DPH6: variants seen among roughly 807,000 people sequenced by gnomAD.
DPH6 encodes the protein diphthine--ammonia ligase.
Under a neutral mutation model 38.2 loss-of-function variants are expected in DPH6, and 33 were observed. That is an observed-to-expected ratio of 0.86 (90% CI 0.65 to 1.15). The LOEUF (loss-of-function observed/expected upper bound fraction) is 1.15, where lower values mean the gene tolerates loss of function less well. Among genes scored for constraint, DPH6 ranks in the 50% most tolerant of loss-of-function variants. The probability of loss-of-function intolerance (pLI) is 0.00; values close to 1 mark genes in which losing one functional copy is unlikely to be tolerated. For synonymous variants in DPH6, 108 were observed against 103.0 expected (o/e 1.05, Z -0.30); for missense variants, 325 against 320.0 (o/e 1.02, Z -0.12).
At chr15:35,263,459 G>A (rs1039218103) in intron 3 of DPH6, among the ~76,000 whole-genome samples, 2 of 140,908 alleles carry the variant, frequency 1.4e-5, no homozygotes, top group East Asian at 4.1e-4. Flanking sequence ...AGGCTAGAGT[G>A]CAGTGGCATG....
Position 35,231,214 on chromosome 15 carries a change from T to C in DPH6, n.201-10632A>G, listed in dbSNP as rs187661932. Among the ~76,000 whole-genome samples, 8 of 152,370 alleles carry C rather than the reference T, an allele frequency of 5.3e-5. No individual in the cohort carries two copies. In the East Asian group the frequency reaches 1.4e-3, roughly 26 times the overall value. ...GTGGGATCTGCAATTCCCCTCTAAATAGGGCTCGTTTAAATGCTCCCTCCT... is the reference window on the plus strand; with the variant it reads ...GTGGGATCTGCAATTCCCCTCTAAACAGGGCTCGTTTAAATGCTCCCTCCT... On this transcript the variant is annotated intron_variant and non_coding_transcript_variant, in intron 3 of 3. Coordinates refer to the DPH6 transcript ENST00000560386.
chr15:35,249,795 A>G (rs994370550), intron 3 of DPH6, among the ~76,000 whole-genome samples: 19 of 152,208 alleles, frequency 1.2e-4, no homozygotes, highest in African/African-American at 4.6e-4. Flanking sequence ...CTGGCAGAAC[A>G]TAAAGGTAAA....
intron 3 of DPH6, among the ~76,000 whole-genome samples, chr15:35,313,381 C>T (rs1035644707): frequency 6.6e-6 from 1 of 150,490 alleles, no homozygotes; most frequent in Non-Finnish European, 1.5e-5. Context: ...TGAAGAACAT[C>T]CTTGGTATTT....
At position 35,453,303 on chromosome 15, in the gene DPH6, A is replaced by T. The variant is rs540663349; in HGVS notation, c.386+1444T>A. ...TTCTTCCATATATATATACACATAT[A>T]TGTAATGGGCAGCCTCCTAATCAGG... On this transcript the variant is annotated intron_variant, in intron 4 of 8. Coordinates refer to ENST00000256538, the MANE Select transcript of DPH6 (RefSeq NM_080650.4). 9.9e-5 allele frequency among the ~76,000 whole-genome samples: 15 copies of T among 152,060 alleles called. No individual in the cohort carries two copies. In the South Asian group the frequency reaches 1.9e-3, roughly 19 times the overall value.
At chr15:35,539,370 G>A (rs936382702) in intron 2 of DPH6, among the ~76,000 whole-genome samples, 5 of 151,738 alleles carry the variant, frequency 3.3e-5, no homozygotes, top group Admixed American at 2.6e-4. Flanking sequence ...TATGTTCTGC[G>A]GAATACAAAT....
At chr15:35,270,439 A>G (rs1157921025) in intron 3 of DPH6, among the ~76,000 whole-genome samples, 2 of 152,204 alleles carry the variant, frequency 1.3e-5, no homozygotes, top group African/African-American at 4.8e-5. Context: ...TTTGGTTCTC[A>G]AATTTTGAAT....
At chr15:35,354,032 G>C (rs1344721152) in intron 3 of DPH6, among the ~76,000 whole-genome samples, 2 of 151,956 alleles carry the variant, frequency 1.3e-5, no homozygotes, top group South Asian at 2.1e-4. Flanking sequence ...ATTTTATTCT[G>C]TTTGAAGCAA....
At chr15:35,357,389 A>G (rs1377605446) in intron 3 of DPH6, among the ~76,000 whole-genome samples, 1 of 152,218 alleles carries the variant, frequency 6.6e-6, no homozygotes, top group African/African-American at 2.4e-5. Context: ...TGTGAGCTGT[A>G]GACTGGAGCT....
intron 5 of DPH6, among the ~76,000 whole-genome samples, chr15:35,420,327 A>C (rs1274212243): frequency 6.6e-6 from 1 of 152,096 alleles, no homozygotes; most frequent in East Asian, 1.9e-4. Flanking sequence ...TGTAGCAATA[A>C]ATGCCTACAT....
chr15:35,526,396 T>C (rs2055002766), intron 3 of DPH6, among the ~76,000 whole-genome samples: 1 of 152,200 alleles, frequency 6.6e-6, no homozygotes. Flanking sequence ...GGGATCAATA[T>C]TAGCATAATT....
intron 3 of DPH6, among the ~76,000 whole-genome samples, chr15:35,236,147 A>G (rs1426660342): frequency 1.3e-5 from 2 of 152,262 alleles, no homozygotes; most frequent in Non-Finnish European, 2.9e-5. Flanking sequence ...TCAGCATTAT[A>G]TACTCATGGA....
chr15:35,418,948 T>C (rs1391139898), intron 5 of DPH6, among the ~76,000 whole-genome samples: 1 of 152,044 alleles, frequency 6.6e-6, no homozygotes, highest in Non-Finnish European at 1.5e-5. Context: ...CAGTAGGTGA[T>C]ATTAGAAAAG....
chr15:35,520,244 AAG>A, intron 3 of DPH6: 8 of 865,894 alleles, frequency 9.2e-6, no homozygotes, highest in Non-Finnish European at 9.7e-6. Context: ...AAAAAAACAA[AAG>A]AAGAAGAATC....
the DPH6 span, among the ~76,000 whole-genome samples, chr15:35,176,082 T>A: frequency 6.6e-6 from 1 of 152,122 alleles, no homozygotes; most frequent in African/African-American, 2.4e-5. Context: ...TAAGATGGAG[T>A]TTATTTCCAG....
At chr15:35,350,612 A>G (rs1215390838) in intron 3 of DPH6, among the ~76,000 whole-genome samples, 1 of 152,124 alleles carries the variant, frequency 6.6e-6, no homozygotes, top group African/African-American at 2.4e-5. Context: ...GCTGCATCCA[A>G]TAAGTTTGGC....
At chr15:35,535,582 C>T (rs1036947) in intron 3 of DPH6, among the ~76,000 whole-genome samples, 134,182 of 152,162 alleles carry the variant, frequency 0.88, 59,277 homozygotes, top group East Asian at 1. Flanking sequence ...ACACTGCTCA[C>T]GTGACTTAAA....
At chr15:35,300,282 G>T (rs1321541294) in intron 3 of DPH6, among the ~76,000 whole-genome samples, 1 of 152,178 alleles carries the variant, frequency 6.6e-6, no homozygotes, top group Non-Finnish European at 1.5e-5. Context: ...TAAATGTAAC[G>T]GAAGCTATTG....
chr15:35,261,141 C>T (rs2051743692), intron 3 of DPH6, among the ~76,000 whole-genome samples: 2 of 152,188 alleles, frequency 1.3e-5, no homozygotes, highest in African/African-American at 2.4e-5. Context: ...TAACTTCGTT[C>T]TTTAATGAGA....
At chr15:35,470,149 G>C (rs369300499) in intron 3 of DPH6, among the ~76,000 whole-genome samples, 1 of 152,144 alleles carries the variant, frequency 6.6e-6, no homozygotes, top group Non-Finnish European at 1.5e-5. Context: ...AGTGAGCCGA[G>C]ATCGCACCAC....
Sources: allele counts gnomAD v4.1 joint callset (sites outside exome capture counted in the v4.1 genomes callset), GRCh38; gene constraint gnomAD v4.1.1; transcripts MANE v1.5; gene names NCBI Gene and HGNC (gene_info 2026-07-23, HGNC 2026-07-21).